FTH1: variants seen among roughly 807,000 people sequenced by gnomAD.
FTH1 encodes the protein ferritin heavy chain.
Under a neutral mutation model 21.8 loss-of-function variants are expected in FTH1, and 3 were observed. The observed-to-expected ratio is 0.14, with a 90% CI of 0.06 to 0.36. The LOEUF (loss-of-function observed/expected upper bound fraction) is 0.36, where lower values mean the gene tolerates loss of function less well. Ranked by LOEUF, FTH1 falls within the 10% of genes least tolerant of loss-of-function variation. The pLI is 1.00. For synonymous variants in FTH1, 83 were observed against 90.1 expected (o/e 0.92, Z 0.45); for missense variants, 147 against 225.8 (o/e 0.65, Z 2.24).
At chr11:61,965,574 C>A (rs773950332) in intron 1 of FTH1, 59 bp from the exon 2 acceptor site, 3 of 1,583,850 alleles carry the variant, frequency 1.9e-6, no homozygotes, top group Non-Finnish European at 2.6e-6. Context: ...GTAGCTGTGA[C>A]GATCTACAGG....
chr11:61,964,706 A>T lies in FTH1; in HGVS notation c.*21T>A, dbSNP rs754343811. 1 of 1,597,408 alleles carries T rather than the reference A, an allele frequency of 6.3e-7. No individual in the cohort carries two copies. Among genetic ancestry groups the T allele is most frequent in the South Asian group, 1.1e-5 (1 of 91,004 alleles). ...TGACCAGGGAAGTCACCCCACGGCT[A>T]TGGGGAAATTAGCCCGAGGCTTAGC... On this transcript the variant is annotated 3_prime_UTR_variant, in exon 4 of 4. Transcript: ENST00000273550.
chr11:61,967,162 A>C (rs866033742), intron 1 of FTH1, 150 bp downstream of exon 1: 1 of 453,202 alleles, frequency 2.2e-6, no homozygotes, highest in South Asian at 4.0e-5. Context: ...GCGCCAGAGA[A>C]GTCCTCGGAA....
Position 61,964,404 on chromosome 11 carries a change from C to T in FTH1, c.*323G>A, listed in dbSNP as rs1366033592. 4.5e-5 allele frequency: 29 copies of T among 637,478 alleles called. No individual in the cohort carries two copies. Among genetic ancestry groups the T allele is most frequent in the Non-Finnish European group, 7.0e-5 (26 of 373,936 alleles). 39.5% of individuals were successfully genotyped at this position (637,478 alleles called of 1,614,324 possible). A position where few individuals can be genotyped will look rare whatever the true frequency, so the allele number is the denominator to read the frequency against. ...CCCTTAGTTCTATCTGAATCCAAGA[C>T]AGCCACACCTTAGTATACTGCCCAA... is the stretch of plus-strand genomic sequence containing the variant. On this transcript the variant is annotated 3_prime_UTR_variant, in exon 4 of 4. Coordinates refer to ENST00000273550, the MANE Select transcript of FTH1 (RefSeq NM_002032.3).
At position 61,964,822 on chromosome 11, in the gene FTH1, C is replaced by A; in HGVS notation, c.457G>T (p.Val153Leu). Residue 153 changes from valine to leucine, a missense_variant, in exon 4 of 4, where the codon GTG becomes TTG. Transcript: ENST00000273550. ...VKAIKELGDH[V>L]TNLRKMGAPE... is the part of the protein sequence containing the mutation. ...GCTCCCATCTTGCGCAAGTTGGTCA[C>A]GTGGTCACCCAATTCTTTGATGGCT... The A allele has an allele frequency of 1.2e-6, 2 of 1,600,720 alleles. No individual in the cohort carries two copies. Among genetic ancestry groups the A allele is most frequent in the South Asian group, 2.2e-5 (2 of 91,086 alleles).
chr11:61,967,381 C>A lies in FTH1; in HGVS notation c.45G>T (p.Gln15His). The A allele has an allele frequency of 6.2e-7, 1 of 1,607,052 alleles. No individual in the cohort carries two copies. ...STSQVRQNYHQDSEAAINRQI... is the reference protein window; with the variant it reads ...STSQVRQNYHHDSEAAINRQI... ...GGCGGTTGATGGCGGCCTCTGAGTC[C>A]TGGTGGTAGTTCTGGCGCACCTGCG... The change falls in exon 1 of 4, where the codon CAG becomes CAT. Residue 15 changes from glutamine (Q) to histidine (H), a missense_variant. Transcript: ENST00000273550.
Position 61,965,081 on chromosome 11 carries a change from A to G in FTH1, c.293T>C (p.Leu98Pro). 1 of 1,607,822 alleles carries G rather than the reference A, an allele frequency of 6.2e-7. No individual in the cohort carries two copies. The highest frequency in any genetic ancestry group is 8.5e-7 in the Non-Finnish European group (1 of 1,179,956). ...KPDCDDWESG[L>P]NAMECALHLE... ...ATGTAATGCACACTCCATTGCATTC[A>G]GCCCGCTCTCCCAGTCATCACAGTC... is the stretch of plus-strand genomic sequence containing the variant. The change falls in exon 3 of 4, where the codon CTG becomes CCG. Residue 98 changes from leucine to proline, a missense_variant. By Grantham distance (98) the Leu-to-Pro change is moderately conservative. Coordinates refer to ENST00000273550, the MANE Select transcript of FTH1 (RefSeq NM_002032.3).
intron 1 of FTH1, among the ~76,000 whole-genome samples, chr11:61,966,786 G>C (rs1454517766): frequency 6.6e-6 from 1 of 152,194 alleles, no homozygotes; most frequent in East Asian, 1.9e-4. Flanking sequence ...AAGCAGAGCC[G>C]AGAGGTGGAT....
chr11:61,965,673 G>A, intron 1 of FTH1, 158 bp from the exon 2 acceptor site: 1 of 762,906 alleles, frequency 1.3e-6, no homozygotes, highest in Non-Finnish European at 2.3e-6. Context: ...GGGCAGATGA[G>A]CTACTGGATT....
In FTH1 at chr11:61,965,062, T is replaced by C. The variant is rs757310359; in HGVS notation, c.312A>G (p.Ala104=). 7.9e-5 allele frequency: 128 copies of C among 1,611,058 alleles called. No individual in the cohort carries two copies. The highest frequency in any genetic ancestry group is 1.1e-4 in the Non-Finnish European group (124 of 1,180,022). The change falls in exon 3 of 4, where the codon GCA becomes GCG. Residue 104 remains alanine (A), a synonymous_variant. Coordinates refer to ENST00000273550, the MANE Select transcript of FTH1 (RefSeq NM_002032.3). ...GATTCACATTTTTTTCCAAATGTAA[T>C]GCACACTCCATTGCATTCAGCCCGC... ...WESGLNAMEC[A]LHLEKNVNQS... is the part of the protein sequence containing the mutation.
chr11:61,964,369 G>C lies in FTH1; in HGVS notation c.*358C>G. 2.6e-6 allele frequency: 2 copies of C among 767,686 alleles called. No individual in the cohort carries two copies. Among genetic ancestry groups the C allele is most frequent in the East Asian group, 2.7e-5 (1 of 37,016 alleles). The allele number at this position is 767,686 out of a possible 1,614,324, so 47.6% of individuals were successfully genotyped here. Reference sequence around the variant, plus strand: ...ACATTTAACTCAGACTCTGGATTCAGAGTCGGGAACCCTTAGTTCTATCTG... The same window carrying C: ...ACATTTAACTCAGACTCTGGATTCACAGTCGGGAACCCTTAGTTCTATCTG... On this transcript the variant is annotated 3_prime_UTR_variant, in exon 4 of 4. Coordinates refer to ENST00000273550, the MANE Select transcript of FTH1 (RefSeq NM_002032.3).
chr11:61,964,973 G>T lies in FTH1; in HGVS notation c.387+14C>A. 3 of 1,614,088 alleles carry T rather than the reference G, an allele frequency of 1.9e-6. No individual in the cohort carries two copies. The highest frequency in any genetic ancestry group is 2.5e-6 in the Non-Finnish European group (3 of 1,180,036). The stretch of plus-strand genomic sequence containing the variant: ...TGATTTCCTCCATTTATTTCCTGGG[G>T]TTCCAATACTCACATGGGGGTCATT... On this transcript the variant is annotated intron_variant, in intron 3 of 3. Transcript: ENST00000273550.
At position 61,964,489 on chromosome 11, in the gene FTH1, A is replaced by C; in HGVS notation, c.*238T>G. On this transcript the variant is annotated 3_prime_UTR_variant, in exon 4 of 4. Coordinates refer to ENST00000273550, the MANE Select transcript of FTH1 (RefSeq NM_002032.3). ...TTTTTGATTAGTGTGATTAGAACTG[A>C]ACAACGGCACTTAAGGAATCTGGAA... 1.3e-5 allele frequency: 8 copies of C among 628,408 alleles called. No individual in the cohort carries two copies. The East Asian group carries it at 2.2e-4, about 17-fold the overall frequency. The allele number at this position is 628,408 out of a possible 1,614,324, so 38.9% of individuals were successfully genotyped here.
Position 61,967,502 on chromosome 11 carries a change from T to C in FTH1, c.-77A>G, listed in dbSNP as rs1236930910. 1.0e-6 allele frequency: 1 copy of C among 998,134 alleles called. No homozygotes were observed. Among genetic ancestry groups the C allele is most frequent in the Admixed American group, 2.0e-5 (1 of 50,496 alleles). 61.8% of individuals were successfully genotyped at this position (998,134 alleles called of 1,614,324 possible). A position where few individuals can be genotyped will look rare whatever the true frequency, so the allele number is the denominator to read the frequency against. On this transcript the variant is annotated 5_prime_UTR_variant, in exon 1 of 4. Coordinates refer to ENST00000273550, the MANE Select transcript of FTH1 (RefSeq NM_002032.3). ...AGCGGCGGCGGGGGCCTTGGGGCAG[T>C]CCGAGGGTGCGGTGAAGAGGTGACG...
chr11:61,967,395 G>C lies in FTH1; in HGVS notation c.31C>G (p.Gln11Glu), dbSNP rs1942485131. The C allele has an allele frequency of 6.2e-7, 1 of 1,605,420 alleles. No individual in the cohort carries two copies. The highest frequency in any genetic ancestry group is 1.1e-5 in the South Asian group (1 of 90,826). Residue 11 changes from glutamine to glutamate, a missense_variant, in exon 1 of 4, where the codon CAG becomes GAG. Physicochemically the swap from Gln to Glu is conservative, Grantham distance 29 (BLOSUM62 2). Coordinates refer to ENST00000273550, the MANE Select transcript of FTH1 (RefSeq NM_002032.3). ...GCCTCTGAGTCCTGGTGGTAGTTCTGGCGCACCTGCGAGGTGGACGCGGTC... is the reference window on the plus strand; with the variant it reads ...GCCTCTGAGTCCTGGTGGTAGTTCTCGCGCACCTGCGAGGTGGACGCGGTC... Reference protein sequence around the residue: MTTASTSQVRQNYHQDSEAAI... With the variant: MTTASTSQVRENYHQDSEAAI...
Position 61,964,386 on chromosome 11 carries a change from T to C in FTH1, c.*341A>G, listed in dbSNP as rs1378497313. ...TGGATTCAGAGTCGGGAACCCTTAG[T>C]TCTATCTGAATCCAAGACAGCCACA... is the stretch of plus-strand genomic sequence containing the variant. On this transcript the variant is annotated 3_prime_UTR_variant, in exon 4 of 4. Coordinates refer to ENST00000273550, the MANE Select transcript of FTH1 (RefSeq NM_002032.3). 3 of 688,486 alleles carry C rather than the reference T, an allele frequency of 4.4e-6. No individual in the cohort carries two copies. Among genetic ancestry groups the C allele is most frequent in the East Asian group, 2.7e-5 (1 of 36,572 alleles). 42.6% of individuals were successfully genotyped at this position (688,486 alleles called of 1,614,324 possible).
At chr11:61,966,736 T>C (rs1229876317) in intron 1 of FTH1, among the ~76,000 whole-genome samples, 2 of 152,180 alleles carry the variant, frequency 1.3e-5, no homozygotes, top group Non-Finnish European at 2.9e-5. Context: ...GAAGGGGCGA[T>C]TCCTAGAGAT....
chr11:61,965,316 A>G, intron 2 of FTH1, 53 bp downstream of exon 2: 1 of 1,610,752 alleles, frequency 6.2e-7, no homozygotes, highest in South Asian at 1.1e-5. Flanking sequence ...GATTTCTGAT[A>G]CCCGAACACT....
Position 61,964,818 on chromosome 11 carries a change from G to C in FTH1, c.461C>G (p.Thr154Ser), listed in dbSNP as rs748186888. Residue 154 changes from threonine to serine, a missense_variant, in exon 4 of 4, where the codon ACC (threonine) becomes AGC (serine). By Grantham distance (58) the Thr-to-Ser change is moderately conservative (BLOSUM62 1). Transcript: ENST00000273550. Reference sequence around the variant, plus strand: ...GGGCGCTCCCATCTTGCGCAAGTTGGTCACGTGGTCACCCAATTCTTTGAT... The same window carrying C: ...GGGCGCTCCCATCTTGCGCAAGTTGCTCACGTGGTCACCCAATTCTTTGAT... Reference protein sequence around the residue: ...KAIKELGDHVTNLRKMGAPES... With the variant: ...KAIKELGDHVSNLRKMGAPES... 3.7e-6 allele frequency: 6 copies of C among 1,600,536 alleles called. No individual in the cohort carries two copies. In the South Asian group the frequency reaches 4.4e-5, roughly 12 times the overall value.
Position 61,967,628 on chromosome 11 carries a change from G to T in FTH1, c.-203C>A, listed in dbSNP as rs1217645017. ...ACCCCGACGACTCTCGGCGAAGAAC[G>T]TCTGGCCCTGCGGGTCGCTTGTGGT... On this transcript the variant is annotated 5_prime_UTR_variant, in exon 1 of 4. Transcript: ENST00000273550. 1 of 654,750 alleles carries T rather than the reference G, an allele frequency of 1.5e-6. No homozygotes were observed. The highest frequency in any genetic ancestry group is 1.8e-5 in the African/African-American group (1 of 55,240). 40.6% of individuals were successfully genotyped at this position (654,750 alleles called of 1,614,324 possible).
Sources: allele counts gnomAD v4.1 joint callset (sites outside exome capture counted in the v4.1 genomes callset), GRCh38; gene constraint gnomAD v4.1.1; transcripts MANE v1.5; gene names NCBI Gene and HGNC (gene_info 2026-07-23, HGNC 2026-07-21).